The following BLTP3B variants were observed in gnomAD, a reference collection of about 807,000 sequenced individuals.
BLTP3B encodes the protein bridge-like lipid transfer protein family member 3B.
chr12:100,106,543 T>G, the BLTP3B span, among the ~76,000 whole-genome samples: 2 of 152,038 alleles, frequency 1.3e-5, no homozygotes, highest in Non-Finnish European at 2.9e-5. Context: ...AAGTGTGAGG[T>G]GAACTATGGG....
At chr12:100,138,404 T>C in the BLTP3B span, among the ~76,000 whole-genome samples, 1 of 152,238 alleles carries the variant, frequency 6.6e-6, no homozygotes, top group Non-Finnish European at 1.5e-5. Context: ...CTGTACACTT[T>C]AAGCTGGTTT....
the BLTP3B span, among the ~76,000 whole-genome samples, chr12:100,083,551 C>T: frequency 2.0e-5 from 3 of 151,984 alleles, no homozygotes; most frequent in Non-Finnish European, 4.4e-5. Context: ...TTTCAAATAG[C>T]TAGTAAGAGC....
chr12:100,068,078 A>C, the BLTP3B span, among the ~76,000 whole-genome samples: 1 of 152,192 alleles, frequency 6.6e-6, no homozygotes, highest in African/African-American at 2.4e-5. Flanking sequence ...TGGAGGCATC[A>C]TATTACCTGA....
chr12:100,095,657 T>C, the BLTP3B span: 4 of 1,593,964 alleles, frequency 2.5e-6, no homozygotes, highest in Non-Finnish European at 3.4e-6. Flanking sequence ...CTGTTAACTT[T>C]ATAGCTTACC....
chr12:100,054,802 G>A, the BLTP3B span, among the ~76,000 whole-genome samples: 1 of 152,208 alleles, frequency 6.6e-6, no homozygotes, highest in East Asian at 1.9e-4. Context: ...AAAAACTTGG[G>A]CTCATCAGTC....
chr12:100,057,396 TTAA>T, the BLTP3B span, among the ~76,000 whole-genome samples: 17 of 152,102 alleles, frequency 1.1e-4, no homozygotes, highest in Non-Finnish European at 2.5e-4. Flanking sequence ...CTAAATATTA[TTAA>T]TAATTAACAA....
chr12:100,106,307 T>C, the BLTP3B span, among the ~76,000 whole-genome samples: 1 of 150,434 alleles, frequency 6.6e-6, no homozygotes, highest in South Asian at 2.1e-4. Flanking sequence ...CCTGGACACA[T>C]ATGTCTATTG....
the BLTP3B span, among the ~76,000 whole-genome samples, chr12:100,116,931 G>C: frequency 2.0e-4 from 30 of 152,270 alleles, no homozygotes; most frequent in Middle Eastern, 3.4e-3. Flanking sequence ...ATCAGTTGAA[G>C]GGACAGAGGA....
the BLTP3B span, among the ~76,000 whole-genome samples, chr12:100,090,708 G>A: frequency 3.3e-4 from 50 of 151,994 alleles, no homozygotes; most frequent in African/African-American, 1.1e-3. Flanking sequence ...GCTGTAAAAC[G>A]TTAAATACTA....
At chr12:100,038,988 T>C in the BLTP3B span, among the ~76,000 whole-genome samples, 1 of 152,224 alleles carries the variant, frequency 6.6e-6, no homozygotes, top group Non-Finnish European at 1.5e-5. Flanking sequence ...TGAACACTCT[T>C]GTCCCACTAG....
the BLTP3B span, chr12:100,039,681 T>C: frequency 9.9e-6 from 16 of 1,614,004 alleles, no homozygotes; most frequent in Admixed American, 6.7e-5. Flanking sequence ...CTGAGTGGCT[T>C]GCGTGACACT....
chr12:100,140,704 C>CA, the BLTP3B span, among the ~76,000 whole-genome samples: 2,303 of 33,680 alleles, frequency 0.068, 224 homozygotes, highest in East Asian at 0.41. Flanking sequence ...GACTCTGTCT[C>CA]AAAAAAAAAA....
At chr12:100,139,397 G>T in the BLTP3B span, among the ~76,000 whole-genome samples, 2 of 152,156 alleles carry the variant, frequency 1.3e-5, no homozygotes, top group Non-Finnish European at 2.9e-5. Flanking sequence ...GGCTAAAAAT[G>T]AGAGCTCTTT....
chr12:100,108,478 A>G, the BLTP3B span: 1 of 1,613,676 alleles, frequency 6.2e-7, no homozygotes, highest in Admixed American at 1.7e-5. Context: ...TCCAACTCCA[A>G]ATTCTTCAGT....
At chr12:100,124,936 T>TATATATA in the BLTP3B span, among the ~76,000 whole-genome samples, 8 of 56,528 alleles carry the variant, frequency 1.4e-4, no homozygotes, top group Non-Finnish European at 2.3e-4. Flanking sequence ...AAAAAAAATT[T>TATATATA]TATATATATA....
At chr12:100,142,517 C>T in the BLTP3B span, 1 of 1,525,164 alleles carries the variant, frequency 6.6e-7, no homozygotes. Flanking sequence ...CGCCGCCGCC[C>T]CCGAAGCCGC....
chr12:100,058,061 T>TG, the BLTP3B span: 25 of 1,581,684 alleles, frequency 1.6e-5, no homozygotes, highest in Middle Eastern at 1.7e-4. Flanking sequence ...GTGTTCTAAC[T>TG]GGGGGGGTCT....
chr12:100,048,208 G>A, the BLTP3B span: 1 of 1,564,362 alleles, frequency 6.4e-7, no homozygotes, highest in Non-Finnish European at 8.6e-7. Flanking sequence ...TAAGGAAAAT[G>A]AACATACAAA....
chr12:100,043,079 G>T, the BLTP3B span, among the ~76,000 whole-genome samples: 1 of 152,152 alleles, frequency 6.6e-6, no homozygotes, highest in Non-Finnish European at 1.5e-5. Flanking sequence ...GATTACAGGC[G>T]TGAGCCACCA....
Sources: allele counts gnomAD v4.1 joint callset (sites outside exome capture counted in the v4.1 genomes callset), GRCh38; gene constraint gnomAD v4.1.1; transcripts MANE v1.5; gene names NCBI Gene and HGNC (gene_info 2026-07-23, HGNC 2026-07-21).